PDHA1: variants seen among roughly 807,000 people sequenced by gnomAD.
PDHA1 encodes the protein pyruvate dehydrogenase E1 subunit alpha 1.
PDHA1 carries 1 observed loss-of-function variant against 33.0 expected under a neutral mutation model. The ratio of observed to expected loss-of-function variants is 0.03; its 90% CI spans 0.01 to 0.14. The LOEUF is 0.14. Among genes scored for constraint, PDHA1 ranks in the 10% least tolerant of loss-of-function variants. The probability of loss-of-function intolerance (pLI) is 1.00; values close to 1 mark genes in which losing one functional copy is unlikely to be tolerated. For missense variants in PDHA1, 168 were observed against 325.1 expected, an observed-to-expected ratio of 0.52 and a Z score of 3.72; for synonymous variants, 123 against 119.2, an observed-to-expected ratio of 1.03 and a Z score of -0.21.
chrX:19,344,111 G>C lies in PDHA1; in HGVS notation c.57+17G>C. 8.5e-7 allele frequency: 1 copy of C among 1,180,101 alleles called. No individual in the cohort carries two copies. Among genetic ancestry groups the C allele is most frequent in the Non-Finnish European group, 1.1e-6 (1 of 872,887 alleles). On this transcript the variant is annotated intron_variant, in intron 1 of 10. Coordinates refer to ENST00000422285, the MANE Select transcript of PDHA1 (RefSeq NM_000284.4). ...CAGAAGCCGGTGAGACCTCCCGGGCGGGCCGGGATGGGGCGCGAGTGGGGC... is the reference window on the plus strand; with the variant it reads ...CAGAAGCCGGTGAGACCTCCCGGGCCGGCCGGGATGGGGCGCGAGTGGGGC...
chrX:19,355,836 C>A (rs2063193611), intron 8 of PDHA1, 79 bp downstream of exon 8: 3 of 726,808 alleles, frequency 4.1e-6, no homozygotes, highest in African/African-American at 2.1e-5. Flanking sequence ...CCTGCTGAAG[C>A]TGTTAGTGGG....
At position 19,361,643 on chromosome X, in the gene PDHA1, C is replaced by CA; in HGVS notation, c.*1994dup. 1.2e-6 allele frequency: 1 copy of CA among 836,682 alleles called. No individual in the cohort carries two copies. The highest frequency in any genetic ancestry group is 2.0e-5 in the African/African-American group (1 of 49,334). The allele number at this position is 836,682 out of a possible 1,213,427, so 69.0% of individuals were successfully genotyped here. Reference sequence around the variant, plus strand: ...ATATTAGTCTAACCATAAAACTCTTCAAAAGTAACCAGTTGGATTAATAAA... The same window carrying CA: ...ATATTAGTCTAACCATAAAACTCTTCAAAAAGTAACCAGTTGGATTAATAAA... On this transcript the variant is annotated 3_prime_UTR_variant, in exon 11 of 11. Transcript: ENST00000422285.
chrX:19,355,972 C>T (rs2063194862), intron 8 of PDHA1, among the ~76,000 whole-genome samples: 1 of 111,882 alleles, frequency 8.9e-6, no homozygotes, highest in African/African-American at 3.3e-5. Flanking sequence ...GAAGTCCGTT[C>T]TGGTGCTTCC....
In PDHA1 at chrX:19,361,341, TA is replaced by T. The variant is rs762188631; in HGVS notation, c.*1689del. 4 of 1,196,665 alleles carry T rather than the reference TA, an allele frequency of 3.3e-6. No individual in the cohort carries two copies. In the East Asian group the frequency reaches 8.9e-5, roughly 27 times the overall value. On this transcript the variant is annotated 3_prime_UTR_variant, in exon 11 of 11. Coordinates refer to ENST00000422285, the MANE Select transcript of PDHA1 (RefSeq NM_000284.4). ...ACAAACTGTTTTGAGGCTCTTACCGTAGTCGAAGGTATCTTAGATCTTCCTT... is the reference window on the plus strand; with the variant it reads ...ACAAACTGTTTTGAGGCTCTTACCGTGTCGAAGGTATCTTAGATCTTCCTT...
chrX:19,360,741 G>GAT lies in PDHA1; in HGVS notation c.*1089_*1090dup. 2.5e-6 allele frequency: 3 copies of GAT among 1,195,820 alleles called. No homozygotes were observed. Among genetic ancestry groups the GAT allele is most frequent in the Non-Finnish European group, 3.4e-6 (3 of 882,779 alleles). On this transcript the variant is annotated 3_prime_UTR_variant, in exon 11 of 11. Transcript: ENST00000422285. ...TGGGACACTCTGCCACAGCTTAGCT[G>GAT]ATTGGTATCAAGCCTTGTCTTTGGT...
At chrX:19,349,863 G>T (rs2063154189) in intron 2 of PDHA1, 74 bp from the exon 3 acceptor site, 1 of 840,172 alleles carries the variant, frequency 1.2e-6, no homozygotes, top group Non-Finnish European at 1.8e-6. Context: ...TTGCAATGGA[G>T]TTAGATCTTA....
Position 19,343,927 on chromosome X carries a change from G to A in PDHA1, c.-111G>A. On this transcript the variant is annotated 5_prime_UTR_variant, in exon 1 of 11. Transcript: ENST00000422285. The stretch of plus-strand genomic sequence containing the variant: ...CGTTATTACGACTCTGTCACGCCGC[G>A]GTGCGACTGAGGCGTGGCGTCTGCT... 5 of 717,007 alleles carry A rather than the reference G, an allele frequency of 7.0e-6. No individual in the cohort carries two copies. In the South Asian group the frequency reaches 1.1e-4, roughly 16 times the overall value. The allele number at this position is 717,007 out of a possible 1,213,427, so 59.1% of individuals were successfully genotyped here. A position where few individuals can be genotyped will look rare whatever the true frequency, so the allele number is the denominator to read the frequency against.
rs931952235 is a variant in PDHA1, at chrX:19,361,222, G to A, written c.*1569G>A. 3.4e-5 allele frequency: 20 copies of A among 591,261 alleles called. No individual in the cohort carries two copies. The highest frequency in any genetic ancestry group is 5.2e-5 in the Non-Finnish European group (20 of 385,828). 48.7% of individuals were successfully genotyped at this position (591,261 alleles called of 1,213,427 possible). On this transcript the variant is annotated 3_prime_UTR_variant, in exon 11 of 11. Transcript: ENST00000422285. ...CCCCACCTTGGCTTTTTCCCAGCTT[G>A]AACCTAATAGAACTCCAGAGTTTGG... is the stretch of plus-strand genomic sequence containing the variant.
Position 19,359,847 on chromosome X carries a change from TAA to T in PDHA1, c.*196_*197del. ...ATTAAAAGATGAATTATTGAGTGCT[TAA>T]AGATTATTTTTGACTTAAAATAGTA... is the stretch of plus-strand genomic sequence containing the variant. On this transcript the variant is annotated 3_prime_UTR_variant, in exon 11 of 11. Transcript: ENST00000422285. 4.2e-6 allele frequency: 2 copies of T among 472,051 alleles called. No individual in the cohort carries two copies. Among genetic ancestry groups the T allele is most frequent in the Non-Finnish European group, 7.5e-6 (2 of 266,493 alleles). 38.9% of individuals were successfully genotyped at this position (472,051 alleles called of 1,213,427 possible).
At chrX:19,357,879 A>AAG (rs2063214709) in intron 9 of PDHA1, among the ~76,000 whole-genome samples, 160 bp downstream of exon 9, 2 of 112,517 alleles carry the variant, frequency 1.8e-5, no homozygotes, top group African/African-American at 6.5e-5. Context: ...AGTGCCTCCT[A>AAG]ATAAGAAAGC....
intron 8 of PDHA1, among the ~76,000 whole-genome samples, chrX:19,356,911 C>A (rs1021622428): frequency 1.5e-4 from 17 of 111,974 alleles, no homozygotes; most frequent in Middle Eastern, 4.6e-3. Context: ...GAGCCGTCTC[C>A]TGGAAGTGGG....
At chrX:19,353,865 AACAGC>A (rs2063178464) in intron 5 of PDHA1, among the ~76,000 whole-genome samples, 1 of 111,978 alleles carries the variant, frequency 8.9e-6, no homozygotes, top group Non-Finnish European at 1.9e-5. Context: ...ATGAAGAATT[AACAGC>A]ACAAAATTAT....
Position 19,355,700 on chromosome X carries a change from T to A in PDHA1, c.774T>A (p.Asp258Glu). 8.3e-7 allele frequency: 1 copy of A among 1,208,673 alleles called. No individual in the cohort carries two copies. The highest frequency in any genetic ancestry group is 1.8e-5 in the South Asian group (1 of 56,934). ...TTTATTACCAGGTGGATGGAATGGA[T>A]ATCCTGTGCGTCCGAGAGGCAACAA... ...FIPGLRVDGM[D>E]ILCVREATRF... is the part of the protein sequence containing the mutation. The change falls in exon 8 of 11, where the codon GAT becomes GAA. Residue 258 changes from aspartate to glutamate, a missense_variant. By Grantham distance (45) the Asp-to-Glu change is conservative. Around this residue, in one of 5 missense-constraint regions of PDHA1, gnomAD observed 27 missense variants for 43.8 expected, o/e 0.62. Transcript: ENST00000422285.
chrX:19,361,238 C>T lies in PDHA1; in HGVS notation c.*1585C>T, dbSNP rs5955550. On this transcript the variant is annotated 3_prime_UTR_variant, in exon 11 of 11. Coordinates refer to ENST00000422285, the MANE Select transcript of PDHA1 (RefSeq NM_000284.4). The stretch of plus-strand genomic sequence containing the variant: ...TCCCAGCTTGAACCTAATAGAACTC[C>T]AGAGTTTGGGGGGAGGCCCAGCCCT... The T allele has an allele frequency of 1.4e-4, 96 of 697,545 alleles. 2 individuals are homozygous for T. Among genetic ancestry groups the T allele is most frequent in the Middle Eastern group, 1.0e-3 (2 of 1,985 alleles). The allele number at this position is 697,545 out of a possible 1,213,427, so 57.5% of individuals were successfully genotyped here.
intron 10 of PDHA1, among the ~76,000 whole-genome samples, 153 bp downstream of exon 10, chrX:19,359,177 CT>C (rs2063236942): frequency 9.0e-6 from 1 of 110,930 alleles, no homozygotes; most frequent in Non-Finnish European, 1.9e-5. Flanking sequence ...GGGGTGGGGG[CT>C]TTTCCTTTAG....
At chrX:19,352,081 G>A (rs1399386757) in intron 4 of PDHA1, among the ~76,000 whole-genome samples, 1 of 110,212 alleles carries the variant, frequency 9.1e-6, no homozygotes, top group Non-Finnish European at 1.9e-5. Flanking sequence ...GGTTACAGGC[G>A]TGAGCCACCG....
intron 8 of PDHA1, chrX:19,357,310 A>G (rs6527917): frequency 0.13 from 36,182 of 268,601 alleles, 6,108 homozygotes; most frequent in African/African-American, 0.66. Context: ...TGTCCAGGCT[A>G]GTCTCGAACT....
intron 6 of PDHA1, 157 bp from the exon 7 acceptor site, chrX:19,355,192 C>G (rs1178590628): frequency 2.0e-5 from 12 of 592,457 alleles, no homozygotes; most frequent in Non-Finnish European, 3.4e-5. Flanking sequence ...CTCCACCACC[C>G]ACCCCGCTTT....
rs1371450945 is a variant in PDHA1 at position 19,351,383 on chromosome X, C to G, written c.394C>G (p.Arg132Gly). Residue 132 changes from arginine to glycine, a missense_variant, in exon 4 of 11, where the codon CGA (arginine) becomes GGA (glycine). Coordinates refer to ENST00000422285, the MANE Select transcript of PDHA1 (RefSeq NM_000284.4). ...GFTFTRGLSV[R>G]EILAELTGRK... The stretch of plus-strand genomic sequence containing the variant: ...TACTTTCACCCGGGGCCTTTCCGTC[C>G]GAGAAATTCTCGCAGAGCTTACAGG... 8.3e-7 allele frequency: 1 copy of G among 1,209,966 alleles called. No individual in the cohort carries two copies. The highest frequency in any genetic ancestry group is 1.8e-5 in the South Asian group (1 of 56,809).
Sources: gnomAD v4.1 joint callset for allele counts (sites outside exome capture counted in the v4.1 genomes callset) on GRCh38, gnomAD v4.1.1 for gene constraint, gnomAD v4.1.1 regional missense constraint, MANE v1.5 for transcripts, NCBI Gene and HGNC (gene_info 2026-07-23, HGNC 2026-07-21) for gene names.